The following ATL1 variants were observed in gnomAD, a reference collection of about 807,000 sequenced individuals.
ATL1 encodes the protein atlastin GTPase 1.
A neutral mutation model predicts 75.5 loss-of-function variants in ATL1; 31 were observed. The observed-to-expected ratio is 0.41, with a 90% CI of 0.31 to 0.55. The LOEUF (loss-of-function observed/expected upper bound fraction) is 0.55. Among genes scored for constraint, ATL1 ranks in the 20% least tolerant of loss-of-function variants. The pLI, the probability that ATL1 is intolerant of heterozygous loss-of-function variation, is 0.27. For missense variants in ATL1, 405 were observed against 662.6 expected (o/e 0.61, Z 4.27); for synonymous variants, 226 against 233.3 (o/e 0.97, Z 0.28).
chr14:50,574,937 G>GTGTATATATATATA (rs1475087119), intron 1 of ATL1, among the ~76,000 whole-genome samples: 6 of 23,160 alleles, frequency 2.6e-4, no homozygotes, highest in African/African-American at 9.4e-4. Context: ...GTGTGTGTGT[G>GTGTATATATATATA]TATATATATA....
rs150680117 is a variant in ATL1 at position 50,594,538 on chromosome 14, T to C, written c.573+642T>C. On this transcript the variant is annotated intron_variant, in intron 5 of 13. Coordinates refer to ENST00000358385, the MANE Select transcript of ATL1 (RefSeq NM_015915.5). ...AGGTTCAATCTAGCCTCAGGAAAAC[T>C]ACAGAGCAATCACTGCTCCAAAAGG... Among the ~76,000 whole-genome samples, 4 of 152,020 alleles carry C rather than the reference T, an allele frequency of 2.6e-5. 1 individual carries two copies. Among genetic ancestry groups the C allele is most frequent in the African/African-American group, 9.7e-5 (4 of 41,368 alleles).
chr14:50,620,715 G>C lies in ATL1; in HGVS notation c.979G>C (p.Glu327Gln), dbSNP rs1385456217. ...TAAAATCACCTGCCGGGGTCTGGTG[G>C]AGTACTTCAAGGTATCACTCTCATT... ...GNKITCRGLV[E>Q]YFKAYIKIYQ... The change falls in exon 9 of 14, where the codon GAG (glutamate) becomes CAG (glutamine). Residue 327 changes from glutamate (E) to glutamine (Q), a missense_variant. Glu to Gln is a conservative substitution (Grantham distance 29). Coordinates refer to ENST00000358385, the MANE Select transcript of ATL1 (RefSeq NM_015915.5). 1.2e-6 allele frequency: 2 copies of C among 1,613,472 alleles called. No individual in the cohort carries two copies. The highest frequency in any genetic ancestry group is 2.2e-5 in the South Asian group (2 of 91,048).
intron 6 of ATL1, among the ~76,000 whole-genome samples, chr14:50,603,227 A>T (rs1412884654): frequency 6.6e-6 from 1 of 152,154 alleles, no homozygotes; most frequent in Non-Finnish European, 1.5e-5. Flanking sequence ...CTTCTCTTCC[A>T]TGTCCTCAGT....
rs1376797413 is a variant in ATL1, at chr14:50,560,244, C to T, written c.-22C>T. The T allele has an allele frequency of 6.2e-7, 1 of 1,613,624 alleles. No homozygotes were observed. The highest frequency in any genetic ancestry group is 8.5e-7 in the Non-Finnish European group (1 of 1,179,750). On this transcript the variant is annotated 5_prime_UTR_variant, in exon 1 of 14. Coordinates refer to ENST00000358385, the MANE Select transcript of ATL1 (RefSeq NM_015915.5). Reference sequence around the variant, plus strand: ...AGCGAGCGCAGTGACAGCGCCTCACCGCCACCAGCTCCTGGACCACCATGG... The same window carrying T: ...AGCGAGCGCAGTGACAGCGCCTCACTGCCACCAGCTCCTGGACCACCATGG...
intron 1 of ATL1, among the ~76,000 whole-genome samples, chr14:50,566,457 G>T (rs1212701793): frequency 2.0e-5 from 3 of 152,026 alleles, no homozygotes; most frequent in Non-Finnish European, 4.4e-5. Context: ...AATATAAAGG[G>T]AATCTAGAGT....
At chr14:50,586,159 C>A (rs1310019655) in intron 1 of ATL1, among the ~76,000 whole-genome samples, 1 of 151,866 alleles carries the variant, frequency 6.6e-6, no homozygotes, top group Non-Finnish European at 1.5e-5. Context: ...AGAATGTCTA[C>A]CTAAAGATAT....
chr14:50,599,690 T>C (rs1205127417), intron 6 of ATL1, among the ~76,000 whole-genome samples: 5 of 152,152 alleles, frequency 3.3e-5, no homozygotes, highest in African/African-American at 1.2e-4. Flanking sequence ...TTAAAATTTG[T>C]ACAGAAGTAA....
At chr14:50,577,979 G>A (rs1315311037) in intron 1 of ATL1, among the ~76,000 whole-genome samples, 1 of 152,054 alleles carries the variant, frequency 6.6e-6, no homozygotes, top group African/African-American at 2.4e-5. Context: ...ATATGTATGG[G>A]CTGATGTTAA....
At chr14:50,565,014 C>T (rs116918476) in intron 1 of ATL1, among the ~76,000 whole-genome samples, 1,805 of 152,150 alleles carry the variant, frequency 0.012, 9 homozygotes, top group Non-Finnish European at 0.02. Context: ...TGGCTGGACA[C>T]GGTAGCTCAT....
At chr14:50,572,350 A>G (rs2140186349) in intron 1 of ATL1, among the ~76,000 whole-genome samples, 2 of 152,324 alleles carry the variant, frequency 1.3e-5, no homozygotes, top group Middle Eastern at 3.4e-3. Context: ...TGGACCTGCC[A>G]TATAAGATTT....
Position 50,628,445 on chromosome 14 carries a change from G to T in ATL1, c.1534G>T (p.Ala512Ser), listed in dbSNP as rs1184106016. ...ELGAVIDQVA[A>S]ALWDQGSTNE... ...GGGAGCTGTAATAGACCAGGTGGCT[G>T]CAGCTCTGTGGGACCAGGTAAGAAC... The change falls in exon 12 of 14, where the codon GCA (alanine) becomes TCA (serine). Residue 512 changes from alanine (A) to serine (S), a missense_variant. Ala to Ser is a moderately conservative substitution (Grantham distance 99). Coordinates refer to ENST00000358385, the MANE Select transcript of ATL1 (RefSeq NM_015915.5). 1.2e-6 allele frequency: 2 copies of T among 1,614,060 alleles called. No individual in the cohort carries two copies. Among genetic ancestry groups the T allele is most frequent in the South Asian group, 2.2e-5 (2 of 91,058 alleles).
At chr14:50,552,936 T>C (rs991833329) in intron 1 of ATL1, among the ~76,000 whole-genome samples, 2 of 152,126 alleles carry the variant, frequency 1.3e-5, no homozygotes, top group South Asian at 4.1e-4. Context: ...AAAACTCTTA[T>C]AGACATGGGC....
chr14:50,534,587 G>A (rs1267498386), intron 1 of ATL1, among the ~76,000 whole-genome samples: 5 of 152,246 alleles, frequency 3.3e-5, no homozygotes, highest in African/African-American at 4.8e-5. Context: ...AGACCCTGGA[G>A]TGCGGATATT....
chr14:50,569,003 G>A (rs2038930368), intron 1 of ATL1, among the ~76,000 whole-genome samples: 1 of 151,948 alleles, frequency 6.6e-6, no homozygotes, highest in African/African-American at 2.4e-5. Context: ...TATCATAAAA[G>A]TATACATATT....
chr14:50,591,880 A>G, intron 4 of ATL1: 1 of 444,768 alleles, frequency 2.2e-6, no homozygotes, highest in Non-Finnish European at 4.1e-6. Flanking sequence ...ATATTATCTT[A>G]TTGGGATTTT....
At chr14:50,541,948 A>G (rs2140146464) in intron 1 of ATL1, among the ~76,000 whole-genome samples, 1 of 127,296 alleles carries the variant, frequency 7.9e-6, no homozygotes, top group East Asian at 2.7e-4. Flanking sequence ...CAGAGCTTGT[A>G]GTGAGCCGAG....
At chr14:50,560,407 A>G in intron 1 of ATL1, 108 bp downstream of exon 1, 1 of 1,429,084 alleles carries the variant, frequency 7.0e-7, no homozygotes, top group Non-Finnish European at 9.6e-7. Context: ...GCCTGCGTCC[A>G]CGGCTGGGAG....
chr14:50,564,048 C>T (rs1225607940), intron 1 of ATL1, among the ~76,000 whole-genome samples: 1 of 151,910 alleles, frequency 6.6e-6, no homozygotes, highest in Non-Finnish European at 1.5e-5. Context: ...CCACAACAAG[C>T]TTATCTAGGA....
intron 1 of ATL1, among the ~76,000 whole-genome samples, chr14:50,552,823 A>T (rs887954395): frequency 5.9e-5 from 9 of 152,324 alleles, no homozygotes; most frequent in African/African-American, 2.2e-4. Flanking sequence ...GTAGAATGAA[A>T]CTGGATCCTC....
Sources: gnomAD v4.1 joint callset for allele counts (sites outside exome capture counted in the v4.1 genomes callset) on GRCh38, gnomAD v4.1.1 for gene constraint, MANE v1.5 for transcripts, NCBI Gene and HGNC (gene_info 2026-07-23, HGNC 2026-07-21) for gene names.